Variants in TRIM5 observed in about 807,000 individuals in gnomAD.
TRIM5 encodes the protein tripartite motif-containing protein 5.
A neutral mutation model predicts 35.6 loss-of-function variants in TRIM5; 31 were observed. The observed-to-expected ratio is 0.87, with a 90% confidence interval of 0.65 to 1.18. TRIM5 has a LOEUF of 1.18. TRIM5 is among the 50% of genes most tolerant of loss of function. The probability of loss-of-function intolerance (pLI) is 0.00; values close to 1 mark genes in which losing one functional copy is unlikely to be tolerated. For synonymous variants in TRIM5, 243 were observed against 215.6 expected, an observed-to-expected ratio of 1.13 and a Z score of -1.11; for missense variants, 609 against 591.6, an observed-to-expected ratio of 1.03 and a Z score of -0.31.
the TRIM5 span, chr11:5,634,530 C>CACACACACACATATATATAT: frequency 2.5e-5 from 5 of 203,886 alleles, no homozygotes; most frequent in African/African-American, 1.4e-4. Context: ...CACACACACA[C>CACACACACACATATATATAT]ATATATATAT....
the TRIM5 span, chr11:5,632,839 T>C: frequency 1.4e-6 from 2 of 1,430,816 alleles, no homozygotes; most frequent in Non-Finnish European, 1.8e-6. Flanking sequence ...TTTTTTTTTT[T>C]TTTTTGAGAC....
At chr11:5,659,148 TAAAAA>T (rs377587371), downstream of TRIM5, among the ~76,000 whole-genome samples, 1 of 146,432 alleles carries the variant, frequency 6.8e-6, no homozygotes, top group African/African-American at 2.6e-5. Flanking sequence ...ACTTAAAGTA[TAAAAA>T]AAAAGAGTAC....
intron 4 of TRIM5, among the ~76,000 whole-genome samples, chr11:5,674,582 C>A (rs577143199): frequency 6.6e-6 from 1 of 152,230 alleles, no homozygotes; most frequent in African/African-American, 2.4e-5. Context: ...AGACACCAGA[C>A]TCCAGACTGG....
At chr11:5,674,101 A>G (rs7929587) in intron 4 of TRIM5, among the ~76,000 whole-genome samples, 123,316 of 152,008 alleles carry the variant, frequency 0.81, 50,345 homozygotes, top group Non-Finnish European at 0.86. Context: ...TTTTAATTTC[A>G]TAAAAGTTAA....
chr11:5,606,043 G>A, the TRIM5 span, among the ~76,000 whole-genome samples: 1 of 152,124 alleles, frequency 6.6e-6, no homozygotes, highest in Admixed American at 6.6e-5. Flanking sequence ...TGAACACAGT[G>A]CTCTCCCAGT....
chr11:5,628,795 C>A, the TRIM5 span, among the ~76,000 whole-genome samples: 1 of 141,158 alleles, frequency 7.1e-6, no homozygotes, highest in Non-Finnish European at 1.6e-5. Flanking sequence ...ACCAAGATGG[C>A]GGCAAAGTTG....
chr11:5,678,159 CA>C, intron 4 of TRIM5, 44 bp downstream of exon 4: 1 of 1,516,568 alleles, frequency 6.6e-7, no homozygotes, highest in Non-Finnish European at 9.0e-7. Flanking sequence ...AAATAGCCTT[CA>C]CTTTTCTTTA....
the TRIM5 span, among the ~76,000 whole-genome samples, chr11:5,657,650 T>A: frequency 1.7e-5 from 2 of 116,750 alleles, no homozygotes; most frequent in African/African-American, 6.8e-5. Context: ...ATTTATATAT[T>A]ATATATAATA....
chr11:5,667,580 T>C (rs1191328331), intron 5 of TRIM5, 109 bp downstream of exon 5: 10 of 1,200,820 alleles, frequency 8.3e-6, no homozygotes, highest in African/African-American at 4.7e-5. Flanking sequence ...AATATCGAAA[T>C]TTTTCTGCCC....
chr11:5,632,189 TG>T, the TRIM5 span: 1 of 1,518,296 alleles, frequency 6.6e-7, no homozygotes, highest in Non-Finnish European at 8.8e-7. Context: ...CAGTCTTTAT[TG>T]TCTGTGCAAT....
At chr11:5,630,375 G>C in the TRIM5 span, among the ~76,000 whole-genome samples, 4 of 151,824 alleles carry the variant, frequency 2.6e-5, no homozygotes, top group African/African-American at 9.7e-5. Context: ...GCTTCTCTCT[G>C]TTAACTTGTC....
the TRIM5 span, among the ~76,000 whole-genome samples, chr11:5,652,268 G>A: frequency 6.6e-6 from 1 of 152,032 alleles, no homozygotes; most frequent in Admixed American, 6.6e-5. Context: ...GTATTACCTA[G>A]GTAATCTTCT....
At chr11:5,596,697 G>T in the TRIM5 span, 1 of 766,098 alleles carries the variant, frequency 1.3e-6, no homozygotes, top group East Asian at 2.8e-5. Flanking sequence ...TCCGTTCAAC[G>T]GCCAAAGGCT....
chr11:5,613,848 TAAA>T, the TRIM5 span, among the ~76,000 whole-genome samples: 3 of 152,172 alleles, frequency 2.0e-5, no homozygotes, highest in Non-Finnish European at 4.4e-5. Flanking sequence ...GATGCTAACT[TAAA>T]AAGAAGATTT....
the TRIM5 span, among the ~76,000 whole-genome samples, chr11:5,632,068 T>A: frequency 1.3e-5 from 2 of 152,150 alleles, no homozygotes; most frequent in South Asian, 4.1e-4. Context: ...CTAGGCTGAG[T>A]AATGAACAAG....
chr11:5,671,317 C>CAAA (rs148744959), intron 4 of TRIM5, among the ~76,000 whole-genome samples: 1 of 145,742 alleles, frequency 6.9e-6, no homozygotes, highest in Admixed American at 6.8e-5. Flanking sequence ...AAAAAAAACA[C>CAAA]AAAAAAACCC....
chr11:5,683,846 C>T (rs1035328386), intron 1 of TRIM5: 3 of 152,236 alleles, frequency 2.0e-5, no homozygotes, highest in Non-Finnish European at 2.9e-5. Flanking sequence ...AGAATAAAAG[C>T]AGGCTGCCTG....
rs59496074 is a variant in TRIM5, at chr11:5,680,479, T to C, written c.-61-241A>G. ...TCTTATCTGTGCATTGGTTATCATT[T>C]TTCTTTACTTTCAATGAATAGAAAA... is the stretch of plus-strand genomic sequence containing the variant. On this transcript the variant is annotated intron_variant, in intron 1 of 7. Coordinates refer to ENST00000380034, the MANE Select transcript of TRIM5 (RefSeq NM_033034.3). Among the ~76,000 whole-genome samples, 805 of 152,330 alleles carry C rather than the reference T, an allele frequency of 5.3e-3. 7 individuals are homozygous for C. The highest frequency in any genetic ancestry group is 0.018 in the African/African-American group (753 of 41,578).
rs560283564 is a variant in TRIM5, at chr11:5,673,860, T to C, written c.744+4344A>G. Among the ~76,000 whole-genome samples, 14 of 152,098 alleles carry C rather than the reference T, an allele frequency of 9.2e-5. No homozygotes were observed. The East Asian group carries it at 2.3e-3, about 25-fold the overall frequency. ...ATCACAAAGAAAATTAGAAAATACA[T>C]TGAGCCAAATGAAAACTCAAAAATT... On this transcript the variant is annotated intron_variant, in intron 4 of 7. Transcript: ENST00000380034.
Sources: allele counts gnomAD v4.1 joint callset (sites outside exome capture counted in the v4.1 genomes callset), GRCh38; gene constraint gnomAD v4.1.1; transcripts MANE v1.5; gene names NCBI Gene and HGNC (gene_info 2026-07-23, HGNC 2026-07-21).